The following CNTN4 variants were observed in gnomAD, a reference collection of about 807,000 sequenced individuals.
CNTN4 encodes contactin 4, also known as contactin-4.
Under a neutral mutation model 122.5 loss-of-function variants are expected in CNTN4, and 77 were observed. The ratio of observed to expected loss-of-function variants is 0.63; its 90% CI spans 0.52 to 0.76. The LOEUF (loss-of-function observed/expected upper bound fraction) is 0.76, where lower values mean the gene tolerates loss of function less well. Ranked by LOEUF, CNTN4 falls within the 30% of genes least tolerant of loss-of-function variation. The pLI is 0.00. For synonymous variants in CNTN4, 512 were observed against 447.0 expected (o/e 1.15, Z -1.83); for missense variants, 1,256 against 1,259.1 (o/e 1.00, Z 0.04).
At chr3:2,392,818 T>C (rs964716962) in intron 3 of CNTN4, among the ~76,000 whole-genome samples, 1 of 152,162 alleles carries the variant, frequency 6.6e-6, no homozygotes, top group African/African-American at 2.4e-5. Context: ...CCTAGGACTC[T>C]TGTAACAAAG....
chr3:2,536,906 C>G (rs1398716371), intron 3 of CNTN4, among the ~76,000 whole-genome samples: 1 of 151,914 alleles, frequency 6.6e-6, no homozygotes, highest in African/African-American at 2.4e-5. Context: ...CTTTGGTGCT[C>G]GATCATTGTG....
At chr3:3,034,865 C>CT in intron 17 of CNTN4, 75 bp downstream of exon 17, 2 of 1,484,040 alleles carry the variant, frequency 1.3e-6, no homozygotes, top group Non-Finnish European at 1.9e-6. Flanking sequence ...CAAGGAACGT[C>CT]TAAGTTCTCA....
chr3:2,465,299 G>A (rs998106910), intron 3 of CNTN4, among the ~76,000 whole-genome samples: 3 of 152,230 alleles, frequency 2.0e-5, no homozygotes, highest in Admixed American at 6.5e-5. Flanking sequence ...ATAAGTTTTT[G>A]CAGTTGATTT....
chr3:2,998,697 C>T (rs1318033532), intron 14 of CNTN4, among the ~76,000 whole-genome samples: 1 of 152,002 alleles, frequency 6.6e-6, no homozygotes, highest in Non-Finnish European at 1.5e-5. Flanking sequence ...TATCTAATGG[C>T]CCCAGTACAT....
chr3:2,863,544 GT>G (rs1270949933), intron 7 of CNTN4, among the ~76,000 whole-genome samples: 1 of 123,658 alleles, frequency 8.1e-6, no homozygotes, highest in Non-Finnish European at 1.7e-5. Flanking sequence ...ATTTGTTGTT[GT>G]TTTCTGTTGT....
chr3:2,705,022 C>T (rs1034927271), intron 4 of CNTN4, among the ~76,000 whole-genome samples: 119 of 151,924 alleles, frequency 7.8e-4, no homozygotes, highest in African/African-American at 2.8e-3. Context: ...TATAGACAGA[C>T]ATACATATGT....
intron 2 of CNTN4, among the ~76,000 whole-genome samples, chr3:2,169,802 CTT>C (rs1430359623): frequency 1.3e-5 from 2 of 152,148 alleles, no homozygotes; most frequent in African/African-American, 4.8e-5. Context: ...AACAAATACT[CTT>C]TATCAATGCT....
At chr3:2,161,733 G>T (rs2035975391) in intron 2 of CNTN4, among the ~76,000 whole-genome samples, 1 of 152,202 alleles carries the variant, frequency 6.6e-6, no homozygotes. Flanking sequence ...CTTTAAATAT[G>T]TTAAGTAGTA....
In CNTN4 at chr3:2,406,350, A is replaced by G. The variant is rs142265901; in HGVS notation, c.-89+67117A>G. Among the ~76,000 whole-genome samples the G allele has an allele frequency of 7.9e-3, 1,210 of 152,298 alleles. 22 individuals are homozygous for G. The highest frequency in any genetic ancestry group is 0.066 in the South Asian group (320 of 4,826). ...TTCTTGTGAAAAATATATAACTTCA[A>G]TCTCATCATGAGGCTGCACCAGGCA... On this transcript the variant is annotated intron_variant, in intron 3 of 24. Transcript: ENST00000418658.
intron 3 of CNTN4, among the ~76,000 whole-genome samples, chr3:2,487,762 C>T (rs915316105): frequency 3.9e-5 from 6 of 152,232 alleles, no homozygotes; most frequent in South Asian, 2.1e-4. Flanking sequence ...GAGAAACTGT[C>T]GTTTACGCTT....
chr3:2,680,880 C>T (rs555142223), intron 4 of CNTN4, among the ~76,000 whole-genome samples: 29 of 152,190 alleles, frequency 1.9e-4, no homozygotes, highest in South Asian at 1.7e-3. Context: ...TTGACAAGTA[C>T]GTTCCATTTT....
intron 6 of CNTN4, among the ~76,000 whole-genome samples, chr3:2,781,716 A>ATTTTT (rs59896254): frequency 3.5e-5 from 3 of 85,954 alleles, no homozygotes; most frequent in South Asian, 4.8e-4. Flanking sequence ...CTTTGGGTAA[A>ATTTTT]TTTTTTTTTT....
Position 2,986,574 on chromosome 3 carries a change from G to A in CNTN4, c.1359-1771G>A, listed in dbSNP as rs891414872. Among the ~76,000 whole-genome samples, 9 of 152,272 alleles carry A rather than the reference G, an allele frequency of 5.9e-5. No individual in the cohort carries two copies. In the East Asian group the frequency reaches 1.7e-3, roughly 29 times the overall value. ...AAGAGCCTTCAAAAAAGTATATGCA[G>A]CATTTGCAACCCAGCGCATTTACAT... On this transcript the variant is annotated intron_variant, in intron 13 of 24. Transcript: ENST00000418658.
intron 13 of CNTN4, among the ~76,000 whole-genome samples, chr3:2,955,883 A>G (rs1171993067): frequency 6.6e-6 from 1 of 152,216 alleles, no homozygotes; most frequent in African/African-American, 2.4e-5. Context: ...CAACATCATG[A>G]CATGTCCTCA....
At chr3:2,490,045 T>C (rs1257025355) in intron 3 of CNTN4, among the ~76,000 whole-genome samples, 1 of 149,104 alleles carries the variant, frequency 6.7e-6, no homozygotes, top group Non-Finnish European at 1.5e-5. Context: ...GTTTCTGAAA[T>C]AGCAGGATTA....
intron 3 of CNTN4, among the ~76,000 whole-genome samples, chr3:2,425,712 G>T (rs1261870619): frequency 6.6e-6 from 1 of 152,094 alleles, no homozygotes; most frequent in Non-Finnish European, 1.5e-5. Flanking sequence ...AGCATGGAAT[G>T]TTCTTCCATT....
intron 3 of CNTN4, among the ~76,000 whole-genome samples, chr3:2,550,285 G>T (rs1197168651): frequency 6.6e-6 from 1 of 151,692 alleles, no homozygotes; most frequent in Non-Finnish European, 1.5e-5. Context: ...TTTTAATTTT[G>T]ATATTAGGTG....
At chr3:2,514,812 G>T (rs1328911955) in intron 3 of CNTN4, among the ~76,000 whole-genome samples, 1 of 152,312 alleles carries the variant, frequency 6.6e-6, no homozygotes, top group Admixed American at 6.5e-5. Flanking sequence ...GGGACAGGGT[G>T]ACATGTGACT....
At chr3:2,712,679 C>A (rs1389948742) in intron 4 of CNTN4, among the ~76,000 whole-genome samples, 1 of 152,152 alleles carries the variant, frequency 6.6e-6, no homozygotes, top group African/African-American at 2.4e-5. Context: ...GTTGACTGAC[C>A]ACTTCAAGAT....
Sources: allele counts gnomAD v4.1 joint callset (sites outside exome capture counted in the v4.1 genomes callset), GRCh38; gene constraint gnomAD v4.1.1; transcripts MANE v1.5; gene names NCBI Gene and HGNC (gene_info 2026-07-23, HGNC 2026-07-21).